EYA1: variants seen among roughly 807,000 people sequenced by gnomAD.
EYA1 encodes the protein protein phosphatase EYA1.
In EYA1, 16 loss-of-function variants were observed where a neutral mutation model predicts 82.0. The ratio of observed to expected loss-of-function variants is 0.20; its 90% CI spans 0.13 to 0.30. EYA1 has a LOEUF of 0.30. Ranked by LOEUF, EYA1 falls within the 10% of genes least tolerant of loss-of-function variation. The pLI is 1.00. For synonymous variants in EYA1, 261 were observed against 264.4 expected (o/e 0.99, Z 0.12); for missense variants, 633 against 730.7 (o/e 0.87, Z 1.54).
chr8:71,230,157 C>A (rs2128879248), intron 12 of EYA1, among the ~76,000 whole-genome samples: 1 of 152,118 alleles, frequency 6.6e-6, no homozygotes, highest in South Asian at 2.1e-4. Flanking sequence ...CCTTCTCTTG[C>A]ACTATTCAAC....
intron 2 of EYA1, among the ~76,000 whole-genome samples, chr8:71,516,578 T>G (rs901668916): frequency 5.3e-5 from 8 of 152,164 alleles, no homozygotes; most frequent in Non-Finnish European, 1.0e-4. Context: ...GATTATTTAT[T>G]ATATGCAAAT....
intron 11 of EYA1, among the ~76,000 whole-genome samples, chr8:71,254,953 C>T (rs759720040): frequency 1.4e-5 from 2 of 145,712 alleles, no homozygotes; most frequent in Non-Finnish European, 1.5e-5. Flanking sequence ...ACACTAACAA[C>T]GACTAAGCCA....
intron 2 of EYA1, among the ~76,000 whole-genome samples, chr8:71,450,498 T>A (rs1807273301): frequency 6.6e-6 from 1 of 152,238 alleles, no homozygotes; most frequent in South Asian, 2.1e-4. Context: ...GGGCATGGTT[T>A]GTGGTGCCCC....
intron 2 of EYA1, among the ~76,000 whole-genome samples, chr8:71,522,086 G>A (rs2129271420): frequency 6.6e-6 from 1 of 152,234 alleles, no homozygotes; most frequent in East Asian, 1.9e-4. Flanking sequence ...AATTTCAAAA[G>A]TATTTATAAT....
At chr8:71,464,849 AT>A (rs1160812428) in intron 2 of EYA1, among the ~76,000 whole-genome samples, 10 of 152,196 alleles carry the variant, frequency 6.6e-5, no homozygotes, top group Non-Finnish European at 1.0e-4. Context: ...CTCACTTCCT[AT>A]TGGTGATCTT....
chr8:71,356,485 A>T lies in EYA1; in HGVS notation c.-28T>A, dbSNP rs1400135301. 14 of 1,584,300 alleles carry T rather than the reference A, an allele frequency of 8.8e-6. No individual in the cohort carries two copies. Among genetic ancestry groups the T allele is most frequent in the African/African-American group, 1.3e-5 (1 of 74,436 alleles). ...ACCTGCAACTTGAGGAAACAGCAAC[A>T]TCTGAACTGGCTTGAGATGTTTGCA... is the stretch of plus-strand genomic sequence containing the variant. On this transcript the variant is annotated 5_prime_UTR_variant, in exon 2 of 18. The change abolishes an upstream ATG in the 5' untranslated region. Coordinates refer to ENST00000340726, the MANE Select transcript of EYA1 (RefSeq NM_000503.6).
chr8:71,403,967 T>C (rs1265090482), intron 2 of EYA1: 2 of 152,226 alleles, frequency 1.3e-5, no homozygotes, highest in Non-Finnish European at 2.9e-5. Flanking sequence ...TACTTGTTTT[T>C]CGTGACTTCA....
chr8:71,448,025 T>TTTTTTTTTTTTTTTTTTTGTAACGGAG, intron 2 of EYA1, among the ~76,000 whole-genome samples: 1 of 116,736 alleles, frequency 8.6e-6, no homozygotes, highest in Non-Finnish European at 1.7e-5. Flanking sequence ...TTTTTTTTTT[T>TTTTTTTTTTTTTTTTTTTGTAACGGAG]TCTCGCTCCG....
intron 4 of EYA1, among the ~76,000 whole-genome samples, chr8:71,329,345 A>G (rs563537775): frequency 1.3e-5 from 2 of 152,268 alleles, no homozygotes; most frequent in Non-Finnish European, 2.9e-5. Flanking sequence ...TCTTAATTTC[A>G]TATTCTCTCA....
intron 11 of EYA1, among the ~76,000 whole-genome samples, chr8:71,259,193 G>GT (rs1586044274): frequency 6.6e-6 from 1 of 152,088 alleles, no homozygotes; most frequent in East Asian, 1.9e-4. Context: ...AGCCAGAGCC[G>GT]TATCACATTC....
chr8:71,302,639 G>T (rs1357577541), intron 7 of EYA1, among the ~76,000 whole-genome samples: 1 of 141,364 alleles, frequency 7.1e-6, no homozygotes, highest in Non-Finnish European at 1.6e-5. Context: ...AGAGAATCAG[G>T]CTCAGGCAAT....
chr8:71,500,300 C>G (rs953815320), intron 2 of EYA1, among the ~76,000 whole-genome samples: 1 of 152,164 alleles, frequency 6.6e-6, no homozygotes, highest in African/African-American at 2.4e-5. Context: ...AGACTGACCT[C>G]CAAGTATGAG....
At chr8:71,347,998 C>A (rs935888325) in intron 3 of EYA1, among the ~76,000 whole-genome samples, 1 of 151,902 alleles carries the variant, frequency 6.6e-6, no homozygotes, top group African/African-American at 2.4e-5. Context: ...TAACATAAAC[C>A]CTTGATAAGC....
chr8:71,220,728 T>G (rs956577868), intron 12 of EYA1, among the ~76,000 whole-genome samples: 1 of 151,932 alleles, frequency 6.6e-6, no homozygotes, highest in African/African-American at 2.4e-5. Flanking sequence ...AACAAAAAAG[T>G]AGATGAGGGA....
chr8:71,384,171 A>G (rs1198715442), intron 2 of EYA1, among the ~76,000 whole-genome samples: 1 of 152,170 alleles, frequency 6.6e-6, no homozygotes, highest in Non-Finnish European at 1.5e-5. Context: ...ACACTATCTG[A>G]TAAGGTAATT....
chr8:71,501,560 A>G (rs968743933), intron 2 of EYA1, among the ~76,000 whole-genome samples: 1 of 152,360 alleles, frequency 6.6e-6, no homozygotes, highest in Middle Eastern at 3.4e-3. Flanking sequence ...AAACCAGGCC[A>G]TATTTTATAC....
chr8:71,219,512 T>C (rs1037158559), intron 12 of EYA1, among the ~76,000 whole-genome samples: 4 of 152,248 alleles, frequency 2.6e-5, no homozygotes, highest in African/African-American at 7.2e-5. Flanking sequence ...AAAAATACTA[T>C]ATTGTACAAA....
At chr8:71,330,803 G>T (rs10957546) in intron 4 of EYA1, among the ~76,000 whole-genome samples, 138,498 of 152,232 alleles carry the variant, frequency 0.91, 63,108 homozygotes, top group East Asian at 0.99. Context: ...TTCCCAGATA[G>T]CCTTCATCCA....
chr8:71,286,772 T>C (rs1469182253), intron 9 of EYA1, among the ~76,000 whole-genome samples: 1 of 150,976 alleles, frequency 6.6e-6, no homozygotes, highest in East Asian at 2.0e-4. Flanking sequence ...TGTGATAGTG[T>C]GACCATGATA....
Sources: gnomAD v4.1 joint callset for allele counts (sites outside exome capture counted in the v4.1 genomes callset) on GRCh38, gnomAD v4.1.1 for gene constraint, MANE v1.5 for transcripts, NCBI Gene and HGNC (gene_info 2026-07-23, HGNC 2026-07-21) for gene names.